The following UNC13C variants were observed in gnomAD, a reference collection of about 807,000 sequenced individuals.
The protein encoded by UNC13C is unc-13 homolog C, also known as protein unc-13 homolog C.
UNC13C carries 174 observed loss-of-function variants against 245.4 expected under a neutral mutation model. That is an observed-to-expected ratio of 0.71 (90% CI 0.63 to 0.80). The LOEUF (loss-of-function observed/expected upper bound fraction) is 0.80. UNC13C is among the 30% of genes least tolerant of loss of function. UNC13C has a pLI of 0.00. For synonymous variants in UNC13C, 992 were observed against 895.1 expected, an observed-to-expected ratio of 1.11 and a Z score of -1.93; for missense variants, 2,829 against 2,602.9, an observed-to-expected ratio of 1.09 and a Z score of -1.89.
At chr15:54,099,630 A>G (rs1356168017) in intron 2 of UNC13C, among the ~76,000 whole-genome samples, 2 of 152,112 alleles carry the variant, frequency 1.3e-5, no homozygotes, top group Non-Finnish European at 2.9e-5. Context: ...ACCATCACTG[A>G]ATTCCTAAAC....
At chr15:54,238,937 G>A (rs192781021) in intron 7 of UNC13C, among the ~76,000 whole-genome samples, 7 of 152,280 alleles carry the variant, frequency 4.6e-5, no homozygotes, top group Non-Finnish European at 1.0e-4. Flanking sequence ...GATTTAATTG[G>A]CTTCAGGTGT....
At chr15:53,851,071 T>C in the UNC13C span, among the ~76,000 whole-genome samples, 1 of 152,094 alleles carries the variant, frequency 6.6e-6, no homozygotes, top group African/African-American at 2.4e-5. Context: ...ATTATTTAAA[T>C]TTTTTCTTAT....
intron 4 of UNC13C, among the ~76,000 whole-genome samples, chr15:54,195,413 T>G (rs1384502437): frequency 6.6e-6 from 1 of 152,202 alleles, no homozygotes; most frequent in Non-Finnish European, 1.5e-5. Flanking sequence ...ACATTTGTTT[T>G]GGAAAGAGCT....
intron 10 of UNC13C, among the ~76,000 whole-genome samples, chr15:54,277,035 T>G (rs983792304): frequency 1.2e-4 from 18 of 152,284 alleles, no homozygotes; most frequent in Admixed American, 9.2e-4. Flanking sequence ...TTTGCACTAT[T>G]GCTTCACTCT....
intron 4 of UNC13C, among the ~76,000 whole-genome samples, chr15:54,153,220 G>A (rs1402831875): frequency 6.6e-6 from 1 of 152,046 alleles, no homozygotes; most frequent in Non-Finnish European, 1.5e-5. Flanking sequence ...AGAGTTCTTA[G>A]TTTTTAGTCT....
intron 8 of UNC13C, among the ~76,000 whole-genome samples, chr15:54,257,591 T>C (rs2036311921): frequency 6.6e-6 from 1 of 152,176 alleles, no homozygotes. Context: ...GGTAGTTCCT[T>C]GGGGAGTGGG....
intron 8 of UNC13C, among the ~76,000 whole-genome samples, chr15:54,254,091 G>A (rs1422604903): frequency 6.6e-6 from 1 of 152,170 alleles, no homozygotes; most frequent in East Asian, 1.9e-4. Context: ...CCTAAGACAA[G>A]CAATTAATAA....
intron 4 of UNC13C, among the ~76,000 whole-genome samples, chr15:54,164,025 C>G (rs914992727): frequency 6.6e-6 from 1 of 151,872 alleles, no homozygotes; most frequent in African/African-American, 2.4e-5. Flanking sequence ...TGTAGATGCT[C>G]TTACAGAAAA....
At chr15:53,994,980 T>A (rs895733622) in intron 1 of UNC13C, among the ~76,000 whole-genome samples, 1 of 151,996 alleles carries the variant, frequency 6.6e-6, no homozygotes, top group South Asian at 2.1e-4. Context: ...TGGTTAGAGA[T>A]GTGTGACAAA....
intron 4 of UNC13C, among the ~76,000 whole-genome samples, chr15:54,185,090 C>T (rs2033930729): frequency 6.6e-6 from 1 of 152,090 alleles, no homozygotes; most frequent in African/African-American, 2.4e-5. Flanking sequence ...CCATTCATAT[C>T]CTTCGCTCAC....
chr15:54,395,290 G>A (rs532806061), intron 18 of UNC13C, among the ~76,000 whole-genome samples: 1 of 151,890 alleles, frequency 6.6e-6, no homozygotes, highest in South Asian at 2.1e-4. Flanking sequence ...ATTTATATCT[G>A]TTACTTTGTT....
downstream of UNC13C, chr15:54,633,420 T>TTTA (rs1460748923): frequency 6.6e-6 from 1 of 152,192 alleles, no homozygotes; most frequent in South Asian, 2.1e-4. Flanking sequence ...AATCCAATTG[T>TTTA]TTATTTCCTG....
At chr15:54,255,104 G>T (rs1041049568) in intron 8 of UNC13C, among the ~76,000 whole-genome samples, 4 of 152,140 alleles carry the variant, frequency 2.6e-5, no homozygotes, top group Non-Finnish European at 5.9e-5. Flanking sequence ...GTGTCTAGAG[G>T]TGAATGTTTA....
At chr15:54,167,136 G>T (rs913368759) in intron 4 of UNC13C, among the ~76,000 whole-genome samples, 21 of 152,182 alleles carry the variant, frequency 1.4e-4, no homozygotes, top group African/African-American at 4.8e-5. Context: ...TGAAAGATAT[G>T]AAAGCAATAG....
intron 16 of UNC13C, among the ~76,000 whole-genome samples, chr15:54,337,394 A>G (rs1596244931): frequency 6.6e-6 from 1 of 152,148 alleles, no homozygotes; most frequent in Non-Finnish European, 1.5e-5. Context: ...AAATTCATAT[A>G]TATGCCTAAT....
At position 54,452,102 on chromosome 15, in the gene UNC13C, C is replaced by A. The variant is rs111600678; in HGVS notation, c.4933+37035C>A. Among the ~76,000 whole-genome samples the A allele has an allele frequency of 5.0e-3, 768 of 152,284 alleles. 6 individuals carry two copies. The highest frequency in any genetic ancestry group is 0.017 in the African/African-American group (718 of 41,566). The stretch of plus-strand genomic sequence containing the variant: ...ATTCTTAGTGGAGACTGTGGCGAAG[C>A]TTTGCTTAGGATGGAGGCATCACCT... On this transcript the variant is annotated intron_variant, in intron 19 of 32. Coordinates refer to ENST00000260323, the MANE Select transcript of UNC13C (RefSeq NM_001080534.3).
chr15:54,010,000 C>T lies in UNC13C; in HGVS notation c.-256-2648C>T, dbSNP rs534645549. Among the ~76,000 whole-genome samples the T allele has an allele frequency of 5.3e-5, 8 of 152,264 alleles. No individual in the cohort carries two copies. The East Asian group carries it at 1.5e-3, about 29-fold the overall frequency. ...ATCCTCTGCTCCCCATCAGAGGCAT[C>T]CCTCTCTGGACAAAGTGGATGCTTC... On this transcript the variant is annotated intron_variant, in intron 1 of 32. Transcript: ENST00000260323.
At chr15:54,038,897 G>T (rs536736874) in intron 2 of UNC13C, among the ~76,000 whole-genome samples, 8 of 152,116 alleles carry the variant, frequency 5.3e-5, no homozygotes, top group African/African-American at 1.9e-4. Context: ...CAATATAATT[G>T]TGGGCTTGAT....
intron 26 of UNC13C, among the ~76,000 whole-genome samples, chr15:54,542,160 C>T (rs1456654095): frequency 6.6e-6 from 1 of 152,068 alleles, no homozygotes; most frequent in East Asian, 1.9e-4. Flanking sequence ...AAAAAGGGAT[C>T]ATTTGCCTTT....
Sources: allele counts gnomAD v4.1 joint callset (sites outside exome capture counted in the v4.1 genomes callset), GRCh38; gene constraint gnomAD v4.1.1; transcripts MANE v1.5; gene names NCBI Gene and HGNC (gene_info 2026-07-23, HGNC 2026-07-21).